The following FAM167A variants were observed in gnomAD, a reference collection of about 807,000 sequenced individuals.
The protein encoded by FAM167A is family with sequence similarity 167 member A.
A neutral mutation model predicts 14.9 loss-of-function variants in FAM167A; 23 were observed. The ratio of observed to expected loss-of-function variants is 1.55; its 90% CI spans 1.11 to 2.19. FAM167A has a LOEUF of 2.19. Ranked by LOEUF, FAM167A falls within the 30% of genes most tolerant of loss-of-function variation. The probability of loss-of-function intolerance (pLI) is 0.00; values close to 1 mark genes in which losing one functional copy is unlikely to be tolerated. For synonymous variants in FAM167A, 174 were observed against 117.7 expected, an observed-to-expected ratio of 1.48 and a Z score of -3.10; for missense variants, 401 against 281.5, an observed-to-expected ratio of 1.42 and a Z score of -3.04.
chr8:11,436,653 TG>T, intron 2 of FAM167A, among the ~76,000 whole-genome samples: 1 of 152,318 alleles, frequency 6.6e-6, no homozygotes, highest in Middle Eastern at 3.4e-3. Flanking sequence ...TACATGAAAC[TG>T]GAAGCTTTAG....
At chr8:11,429,873 C>G (rs958090726) in intron 2 of FAM167A, among the ~76,000 whole-genome samples, 3 of 152,246 alleles carry the variant, frequency 2.0e-5, no homozygotes, top group Admixed American at 2.0e-4. Context: ...CTCATCTCTT[C>G]TAAGGACAGT....
At chr8:11,450,556 T>C (rs1329901629) in intron 1 of FAM167A, among the ~76,000 whole-genome samples, 1 of 152,110 alleles carries the variant, frequency 6.6e-6, no homozygotes, top group Admixed American at 6.5e-5. Flanking sequence ...TTACTGCCCC[T>C]CTTAAGCCAC....
At chr8:11,445,511 G>A (rs1055333280) in intron 1 of FAM167A, 12 of 985,550 alleles carry the variant, frequency 1.2e-5, no homozygotes, top group Non-Finnish European at 1.4e-5. Context: ...CAAGCAGGCT[G>A]TGACTCATTG....
At chr8:11,444,991 G>A (rs763309279) in intron 1 of FAM167A, 183 bp from the exon 2 acceptor site, 165 of 639,034 alleles carry the variant, frequency 2.6e-4, no homozygotes, top group Non-Finnish European at 2.6e-4. Flanking sequence ...AGAAGTTAAT[G>A]AGCAATTGAA....
chr8:11,431,821 G>C (rs1230754122), intron 2 of FAM167A, among the ~76,000 whole-genome samples: 1 of 149,830 alleles, frequency 6.7e-6, no homozygotes, highest in Non-Finnish European at 1.5e-5. Flanking sequence ...AGAGTAGTCT[G>C]GGAGGTAGAA....
chr8:11,447,332 C>T (rs1806828569), intron 1 of FAM167A, among the ~76,000 whole-genome samples: 1 of 152,258 alleles, frequency 6.6e-6, no homozygotes, highest in South Asian at 2.1e-4. Flanking sequence ...CAGGCAGCTG[C>T]CACCATACCC....
chr8:11,454,236 C>G (rs997331331), intron 1 of FAM167A, among the ~76,000 whole-genome samples: 1 of 152,174 alleles, frequency 6.6e-6, no homozygotes, highest in Non-Finnish European at 1.5e-5. Flanking sequence ...AGAGCGGAGG[C>G]CCACGTGTGT....
chr8:11,462,925 G>A (rs773847821), intron 1 of FAM167A, among the ~76,000 whole-genome samples: 5 of 152,104 alleles, frequency 3.3e-5, no homozygotes, highest in African/African-American at 1.2e-4. Context: ...AAGATGTGTG[G>A]GTTGGCTAAA....
chr8:11,461,567 C>T (rs967616405), intron 1 of FAM167A, among the ~76,000 whole-genome samples: 4 of 152,260 alleles, frequency 2.6e-5, no homozygotes, highest in African/African-American at 9.6e-5. Flanking sequence ...AAACACTTCC[C>T]AGCTGGCTGA....
intron 1 of FAM167A, among the ~76,000 whole-genome samples, chr8:11,459,323 C>T (rs1308834550): frequency 6.6e-6 from 1 of 152,212 alleles, no homozygotes; most frequent in African/African-American, 2.4e-5. Context: ...TCCCCAACTC[C>T]ACCATTGTGA....
chr8:11,444,330 G>A lies in FAM167A; in HGVS notation c.82C>T (p.Arg28Trp), dbSNP rs201387976. Residue 28 changes from arginine to tryptophan, a missense_variant, in exon 2 of 3, where the codon CGG becomes TGG. Physicochemically the swap from Arg to Trp is moderately radical, Grantham distance 101. Coordinates refer to ENST00000284486, the MANE Select transcript of FAM167A (RefSeq NM_053279.3). ...TTCTCGGTGAGGGCCTTCAGGCTCCGGAGGTGGTCATCGGGTGGTGCGGCT... is the reference window on the plus strand; with the variant it reads ...TTCTCGGTGAGGGCCTTCAGGCTCCAGAGGTGGTCATCGGGTGGTGCGGCT... ...GAAAPPDDHL[R>W]SLKALTEKLR... is the part of the protein sequence containing the mutation. 184 of 1,610,616 alleles carry A rather than the reference G, an allele frequency of 1.1e-4. No homozygotes were observed. In the East Asian group the frequency reaches 3.0e-3, roughly 26 times the overall value.
At chr8:11,432,542 G>A (rs1011951469) in intron 2 of FAM167A, among the ~76,000 whole-genome samples, 2 of 152,186 alleles carry the variant, frequency 1.3e-5, no homozygotes, top group Non-Finnish European at 2.9e-5. Context: ...CAGTTAGGAT[G>A]GTGATCATTA....
At chr8:11,449,503 G>A (rs1308855723) in intron 1 of FAM167A, among the ~76,000 whole-genome samples, 10 of 152,314 alleles carry the variant, frequency 6.6e-5, no homozygotes, top group East Asian at 5.8e-4. Flanking sequence ...CTAAACAAAC[G>A]GGCTTTCTTT....
chr8:11,439,633 G>T (rs1187514658), intron 2 of FAM167A, among the ~76,000 whole-genome samples: 1 of 152,088 alleles, frequency 6.6e-6, no homozygotes, highest in Non-Finnish European at 1.5e-5. Flanking sequence ...TGCGGGAGGA[G>T]GGTGTCTGCA....
At chr8:11,444,001 T>C in intron 2 of FAM167A, 30 bp downstream of exon 2, 1 of 1,587,536 alleles carries the variant, frequency 6.3e-7, no homozygotes, top group Non-Finnish European at 8.6e-7. Context: ...ATCTCCTCTT[T>C]TCTGGGGATT....
At chr8:11,472,094 T>C (rs1807977655), upstream of FAM167A, among the ~76,000 whole-genome samples, 1 of 152,242 alleles carries the variant, frequency 6.6e-6, no homozygotes, top group South Asian at 2.1e-4. Flanking sequence ...TTCAAATATT[T>C]AGAGACACGG....
chr8:11,444,792 G>A lies in FAM167A; in HGVS notation c.-381C>T. 3 of 1,008,538 alleles carry A rather than the reference G, an allele frequency of 3.0e-6. No individual in the cohort carries two copies. In the South Asian group the frequency reaches 1.3e-4, roughly 45 times the overall value. 62.5% of individuals were successfully genotyped at this position (1,008,538 alleles called of 1,614,324 possible). A position where few individuals can be genotyped will look rare whatever the true frequency, so the allele number is the denominator to read the frequency against. ...CCAGAGCTCTCTCTTCTCGGGAAGGGCAGGTGGCTGGAGACCCTGTGGGAG... is the reference window on the plus strand; with the variant it reads ...CCAGAGCTCTCTCTTCTCGGGAAGGACAGGTGGCTGGAGACCCTGTGGGAG... On this transcript the variant is annotated 5_prime_UTR_variant, in exon 2 of 3. Transcript: ENST00000284486.
chr8:11,468,045 G>T (rs1807840309), upstream of FAM167A, among the ~76,000 whole-genome samples: 1 of 152,118 alleles, frequency 6.6e-6, no homozygotes, highest in African/African-American at 2.4e-5. Context: ...CCAGCAGCTT[G>T]CCCTACCCAG....
intron 1 of FAM167A, among the ~76,000 whole-genome samples, chr8:11,450,403 T>A (rs1450138540): frequency 3.9e-5 from 6 of 152,174 alleles, no homozygotes; most frequent in African/African-American, 1.4e-4. Flanking sequence ...GAATCTGGGG[T>A]ATCATCATCC....
Sources: allele counts gnomAD v4.1 joint callset (sites outside exome capture counted in the v4.1 genomes callset), GRCh38; gene constraint gnomAD v4.1.1; transcripts MANE v1.5; gene names NCBI Gene and HGNC (gene_info 2026-07-23, HGNC 2026-07-21).